Variants in TMEM132D observed in about 807,000 individuals in gnomAD.
TMEM132D encodes the protein transmembrane protein 132D.
TMEM132D carries 21 observed loss-of-function variants against 62.3 expected under a neutral mutation model. The ratio of observed to expected loss-of-function variants is 0.34; its 90% CI spans 0.24 to 0.49. The LOEUF (loss-of-function observed/expected upper bound fraction) is 0.49. Ranked by LOEUF, TMEM132D falls within the 20% of genes least tolerant of loss-of-function variation. The pLI, the probability that TMEM132D is intolerant of heterozygous loss-of-function variation, is 0.99. For synonymous variants in TMEM132D, 621 were observed against 575.6 expected, an observed-to-expected ratio of 1.08 and a Z score of -1.13; for missense variants, 1,346 against 1,402.8, an observed-to-expected ratio of 0.96 and a Z score of 0.65.
intron 3 of TMEM132D, among the ~76,000 whole-genome samples, chr12:129,343,559 A>G (rs1339422269): frequency 6.6e-6 from 1 of 152,166 alleles, no homozygotes; most frequent in Non-Finnish European, 1.5e-5. Flanking sequence ...CATGTACCCT[A>G]AAACTTAAAG....
At chr12:129,147,020 C>T (rs980987680) in intron 5 of TMEM132D, among the ~76,000 whole-genome samples, 3 of 151,968 alleles carry the variant, frequency 2.0e-5, no homozygotes, top group East Asian at 3.9e-4. Context: ...AGAAAACTCA[C>T]GTGAAAATGA....
At chr12:129,166,104 C>G (rs964441060) in intron 5 of TMEM132D, among the ~76,000 whole-genome samples, 3 of 152,220 alleles carry the variant, frequency 2.0e-5, no homozygotes, top group African/African-American at 7.2e-5. Flanking sequence ...ATTATGGGAG[C>G]TGGGACTTGA....
chr12:129,454,581 C>G (rs547274727), intron 3 of TMEM132D, among the ~76,000 whole-genome samples: 1 of 152,200 alleles, frequency 6.6e-6, no homozygotes, highest in Non-Finnish European at 1.5e-5. Context: ...TTTTTAACAA[C>G]ATGCAAAACC....
chr12:129,706,735 A>T (rs1317362289), intron 1 of TMEM132D, among the ~76,000 whole-genome samples: 1 of 152,006 alleles, frequency 6.6e-6, no homozygotes, highest in Non-Finnish European at 1.5e-5. Context: ...AATAAAATAC[A>T]GAAATAATTT....
intron 2 of TMEM132D, among the ~76,000 whole-genome samples, chr12:129,640,343 A>T (rs570862419): frequency 6.6e-6 from 1 of 152,220 alleles, no homozygotes; most frequent in Non-Finnish European, 1.5e-5. Flanking sequence ...GACAAAAACA[A>T]ATATGCTTCA....
intron 3 of TMEM132D, among the ~76,000 whole-genome samples, chr12:129,454,939 C>T (rs936633294): frequency 2.0e-5 from 3 of 152,122 alleles, no homozygotes; most frequent in Non-Finnish European, 2.9e-5. Flanking sequence ...GTGGAAGAAA[C>T]CCAACTAATT....
chr12:129,600,002 G>A (rs1279831587), intron 2 of TMEM132D, among the ~76,000 whole-genome samples: 1 of 152,146 alleles, frequency 6.6e-6, no homozygotes, highest in African/African-American at 2.4e-5. Flanking sequence ...AATGAGGTTT[G>A]CTGCATCAAT....
chr12:129,818,188 TG>T (rs1313093118), intron 1 of TMEM132D, among the ~76,000 whole-genome samples: 137 of 143,912 alleles, frequency 9.5e-4, no homozygotes, highest in African/African-American at 3.4e-3. Context: ...GTGTGTGGTG[TG>T]GGGGCTGTGT....
At chr12:129,642,713 G>T (rs1243535796) in intron 2 of TMEM132D, among the ~76,000 whole-genome samples, 3 of 152,046 alleles carry the variant, frequency 2.0e-5, no homozygotes, top group African/African-American at 7.2e-5. Context: ...CAAGATTTTT[G>T]AATCCATTTA....
intron 5 of TMEM132D, among the ~76,000 whole-genome samples, chr12:129,191,097 G>A (rs1034684618): frequency 9.2e-5 from 14 of 152,086 alleles, no homozygotes; most frequent in Non-Finnish European, 1.8e-4. Context: ...TCCAAGGGAC[G>A]TGGGCCTTAC....
At chr12:129,136,979 ACAGCATCAT>A (rs1028866355) in intron 5 of TMEM132D, among the ~76,000 whole-genome samples, 12 of 149,852 alleles carry the variant, frequency 8.0e-5, no homozygotes, top group Admixed American at 3.3e-4. Flanking sequence ...ATCACCATCA[ACAGCATCAT>A]CAGCATCATC....
chr12:129,717,304 C>G (rs1868623007), intron 1 of TMEM132D, among the ~76,000 whole-genome samples: 1 of 152,198 alleles, frequency 6.6e-6, no homozygotes, highest in African/African-American at 2.4e-5. Context: ...TCTGTGCTCT[C>G]TTTCATATTT....
chr12:129,086,708 A>ATG (rs2135622077), intron 5 of TMEM132D, among the ~76,000 whole-genome samples: 1 of 135,980 alleles, frequency 7.4e-6, no homozygotes, highest in Admixed American at 7.7e-5. Flanking sequence ...ACAAACTTAT[A>ATG]TATACAATGT....
intron 2 of TMEM132D, among the ~76,000 whole-genome samples, chr12:129,604,052 A>C (rs944524483): frequency 6.6e-5 from 10 of 152,226 alleles, no homozygotes; most frequent in Non-Finnish European, 1.2e-4. Flanking sequence ...TATTCTCAGC[A>C]AACTAACACA....
chr12:129,721,723 G>T (rs534618792), intron 1 of TMEM132D, among the ~76,000 whole-genome samples: 27 of 152,296 alleles, frequency 1.8e-4, no homozygotes, highest in Admixed American at 1.1e-3. Context: ...TGTGGATCCT[G>T]CATGTACGGA....
intron 4 of TMEM132D, among the ~76,000 whole-genome samples, chr12:129,290,953 A>G (rs565596401): frequency 6.6e-6 from 1 of 152,294 alleles, no homozygotes; most frequent in South Asian, 2.1e-4. Flanking sequence ...AAAGTTCATT[A>G]CTCTTAAAAT....
At chr12:129,387,680 A>G (rs1440433684) in intron 3 of TMEM132D, among the ~76,000 whole-genome samples, 1 of 152,148 alleles carries the variant, frequency 6.6e-6, no homozygotes, top group African/African-American at 2.4e-5. Flanking sequence ...ACCAACACCA[A>G]TACTAACACC....
At chr12:129,333,787 T>G (rs913885992) in intron 4 of TMEM132D, among the ~76,000 whole-genome samples, 19 of 152,140 alleles carry the variant, frequency 1.2e-4, no homozygotes, top group African/African-American at 3.9e-4. Context: ...GTGCTCGGGA[T>G]GGAGAGGAGC....
chr12:129,658,708 C>T (rs1017862075), intron 2 of TMEM132D, among the ~76,000 whole-genome samples: 1 of 152,138 alleles, frequency 6.6e-6, no homozygotes, highest in Non-Finnish European at 1.5e-5. Context: ...TTTTGGAAGC[C>T]TGCAGGTTAC....
Sources: gnomAD v4.1 joint callset for allele counts (sites outside exome capture counted in the v4.1 genomes callset) on GRCh38, gnomAD v4.1.1 for gene constraint, MANE v1.5 for transcripts, NCBI Gene and HGNC (gene_info 2026-07-23, HGNC 2026-07-21) for gene names.